The following CBLB variants were observed in gnomAD, a reference collection of about 807,000 sequenced individuals.
CBLB encodes the protein E3 ubiquitin-protein ligase CBL-B.
CBLB carries 31 observed loss-of-function variants against 104.9 expected under a neutral mutation model. The ratio of observed to expected loss-of-function variants is 0.30; its 90% CI spans 0.22 to 0.40. The LOEUF (loss-of-function observed/expected upper bound fraction) is 0.40. Among genes scored for constraint, CBLB ranks in the 10% least tolerant of loss-of-function variants. The pLI, the probability that CBLB is intolerant of heterozygous loss-of-function variation, is 1.00. For missense variants in CBLB, 1,062 were observed against 1,214.6 expected (o/e 0.87, Z 1.87); for synonymous variants, 440 against 422.6 (o/e 1.04, Z -0.51).
chr3:105,776,690 T>C (rs921535153), intron 3 of CBLB, 148 bp from the exon 4 acceptor site: 6 of 697,392 alleles, frequency 8.6e-6, no homozygotes, highest in Admixed American at 5.5e-5. Flanking sequence ...AACTTAATGC[T>C]GCCCTTAAAA....
chr3:105,773,177 A>G lies in CBLB; in HGVS notation c.566+3219T>C, dbSNP rs920791452. ...AACAAGCGGATAAAGAAAACATGGC[A>G]TATTTACACCATGGACTATTACTCA... On this transcript the variant is annotated intron_variant, in intron 4 of 18. Transcript: ENST00000394030. Among the ~76,000 whole-genome samples the G allele has an allele frequency of 5.3e-5, 8 of 152,248 alleles. No individual in the cohort carries two copies. In the South Asian group the frequency reaches 1.7e-3, roughly 31 times the overall value.
At chr3:105,741,240 G>T (rs2075537044) in intron 6 of CBLB, among the ~76,000 whole-genome samples, 2 of 152,064 alleles carry the variant, frequency 1.3e-5, no homozygotes, top group African/African-American at 2.4e-5. Flanking sequence ...CCAGGCTGTA[G>T]TGCAGTGGCG....
intron 12 of CBLB, 114 bp downstream of exon 12, chr3:105,701,980 T>G: frequency 1.8e-6 from 2 of 1,104,262 alleles, no homozygotes; most frequent in Non-Finnish European, 2.7e-6. Flanking sequence ...AATTAAAGAC[T>G]TACAGGGAAG....
chr3:105,727,862 G>A lies in CBLB; in HGVS notation c.1203+6147C>T, dbSNP rs540194189. Reference sequence around the variant, plus strand: ...AAGATCAGATGGTTGTAGATGTGTCGCATTATTTCTGAGGCATCTATTCTG... The same window carrying A: ...AAGATCAGATGGTTGTAGATGTGTCACATTATTTCTGAGGCATCTATTCTG... On this transcript the variant is annotated intron_variant, in intron 9 of 18. Coordinates refer to ENST00000394030, the MANE Select transcript of CBLB (RefSeq NM_170662.5). Among the ~76,000 whole-genome samples, 480 of 152,172 alleles carry A rather than the reference G, an allele frequency of 3.2e-3. 6 individuals carry two copies. The highest frequency in any genetic ancestry group is 0.01 in the African/African-American group (416 of 41,534).
intron 3 of CBLB, among the ~76,000 whole-genome samples, chr3:105,851,289 A>T (rs1220820087): frequency 3.9e-5 from 6 of 152,208 alleles, no homozygotes; most frequent in Non-Finnish European, 8.8e-5. Flanking sequence ...TGAAAAAGTT[A>T]CATATTGTGT....
intron 3 of CBLB, among the ~76,000 whole-genome samples, chr3:105,842,017 G>GAAA (rs1261273271): frequency 7.5e-6 from 1 of 134,192 alleles, no homozygotes. Context: ...TTCCTCTGGA[G>GAAA]AAAAAAAAAA....
chr3:105,782,578 CTTTT>C (rs11333516), intron 3 of CBLB, among the ~76,000 whole-genome samples: 10 of 137,502 alleles, frequency 7.3e-5, no homozygotes, highest in East Asian at 6.4e-4. Context: ...CTTTTCTTTT[CTTTT>C]TTTTTTTTTT....
At chr3:105,778,913 C>T (rs997592434) in intron 3 of CBLB, among the ~76,000 whole-genome samples, 6 of 152,056 alleles carry the variant, frequency 3.9e-5, no homozygotes, top group Non-Finnish European at 5.9e-5. Flanking sequence ...ACTTGTGGCT[C>T]GTACAAACTA....
At chr3:105,757,408 T>C (rs2077179665) in intron 4 of CBLB, among the ~76,000 whole-genome samples, 1 of 152,170 alleles carries the variant, frequency 6.6e-6, no homozygotes, top group South Asian at 2.1e-4. Context: ...TGATTTATGA[T>C]GGCATGTATC....
chr3:105,786,562 A>G (rs1200195774), intron 3 of CBLB, among the ~76,000 whole-genome samples: 1 of 152,204 alleles, frequency 6.6e-6, no homozygotes, highest in Non-Finnish European at 1.5e-5. Context: ...GTACATTCAC[A>G]AATGGCACAC....
In CBLB at chr3:105,722,309, C is replaced by A. The variant is rs77081435; in HGVS notation, c.1204-2059G>T. Among the ~76,000 whole-genome samples, 7 of 151,330 alleles carry A rather than the reference C, an allele frequency of 4.6e-5. No individual in the cohort carries two copies. The East Asian group carries it at 1.4e-3, about 29-fold the overall frequency. On this transcript the variant is annotated intron_variant, in intron 9 of 18. Coordinates refer to ENST00000394030, the MANE Select transcript of CBLB (RefSeq NM_170662.5). ...AAGAATGGAAAGCAGTACTTTGAGA[C>A]GTACATAGTCTCATACATTTAAAAA...
chr3:105,809,769 G>A (rs1282086639), intron 3 of CBLB, among the ~76,000 whole-genome samples: 1 of 152,092 alleles, frequency 6.6e-6, no homozygotes, highest in East Asian at 1.9e-4. Context: ...ACAGACGAGG[G>A]ATCAGATGGG....
Position 105,868,802 on chromosome 3 carries a change from AGT to A in CBLB, c.-83_-82del, listed in dbSNP as rs919024841. 2.0e-6 allele frequency: 2 copies of A among 991,628 alleles called. No individual in the cohort carries two copies. Among genetic ancestry groups the A allele is most frequent in the Non-Finnish European group, 2.4e-6 (2 of 834,216 alleles). The allele number at this position is 991,628 out of a possible 1,614,324, so 61.4% of individuals were successfully genotyped here. A position where few individuals can be genotyped will look rare whatever the true frequency, so the allele number is the denominator to read the frequency against. ...GTCCCACTCCACACGCACGCAGCCC[AGT>A]GTGTGTGGGGAGCCCCGGCTGGGAG... On this transcript the variant is annotated 5_prime_UTR_variant, in exon 1 of 19. Coordinates refer to ENST00000394030, the MANE Select transcript of CBLB (RefSeq NM_170662.5).
chr3:105,740,756 T>C (rs9657907), intron 6 of CBLB, 125 bp from the exon 7 acceptor site: 34 of 805,526 alleles, frequency 4.2e-5, no homozygotes, highest in Non-Finnish European at 6.8e-5. Flanking sequence ...ACTCCTCATA[T>C]TCTGTCTTCT....
At chr3:105,679,388 A>G (rs574811003) in intron 16 of CBLB, among the ~76,000 whole-genome samples, 2 of 151,828 alleles carry the variant, frequency 1.3e-5, no homozygotes, top group South Asian at 4.2e-4. Flanking sequence ...CTATCTCAAA[A>G]TACTTTAGGA....
At chr3:105,749,366 A>C (rs1416096338) in intron 5 of CBLB, among the ~76,000 whole-genome samples, 2 of 152,206 alleles carry the variant, frequency 1.3e-5, no homozygotes, top group Non-Finnish European at 2.9e-5. Context: ...GCTTGACTTA[A>C]AAATAGCCCT....
intron 16 of CBLB, chr3:105,680,906 C>T: frequency 6.4e-6 from 1 of 156,162 alleles, no homozygotes; most frequent in East Asian, 1.9e-4. Context: ...ATACACACAC[C>T]TACATATACC....
chr3:105,858,253 T>C (rs1358568751), intron 2 of CBLB, among the ~76,000 whole-genome samples: 1 of 152,190 alleles, frequency 6.6e-6, no homozygotes, highest in Non-Finnish European at 1.5e-5. Flanking sequence ...CTGTGATTTA[T>C]GACAGCTTCT....
At position 105,661,094 on chromosome 3, in the gene CBLB, C is replaced by G. The variant is rs375179106; in HGVS notation, c.2690-1865G>C. The stretch of plus-strand genomic sequence containing the variant: ...CTAAAATTACAGGCGTGAGCCACCA[C>G]GTCCGGCCATGATGACAGTCTTATT... On this transcript the variant is annotated intron_variant, in intron 18 of 18. Transcript: ENST00000394030. Among the ~76,000 whole-genome samples, 34 of 152,072 alleles carry G rather than the reference C, an allele frequency of 2.2e-4. No individual in the cohort carries two copies. In the East Asian group the frequency reaches 3.7e-3, roughly 16 times the overall value.
Sources: allele counts gnomAD v4.1 joint callset (sites outside exome capture counted in the v4.1 genomes callset), GRCh38; gene constraint gnomAD v4.1.1; transcripts MANE v1.5; gene names NCBI Gene and HGNC (gene_info 2026-07-23, HGNC 2026-07-21).